SLC24A2: variants seen among roughly 807,000 people sequenced by gnomAD.
SLC24A2 encodes the protein solute carrier family 24 member 2.
Under a neutral mutation model 62.0 loss-of-function variants are expected in SLC24A2, and 36 were observed. The observed-to-expected ratio is 0.58, with a 90% CI of 0.44 to 0.77. The LOEUF is 0.77. Ranked by LOEUF, SLC24A2 falls within the 30% of genes least tolerant of loss-of-function variation. The probability of loss-of-function intolerance (pLI) is 0.00; values close to 1 mark genes in which losing one functional copy is unlikely to be tolerated. For missense variants in SLC24A2, 846 were observed against 817.9 expected, an observed-to-expected ratio of 1.03 and a Z score of -0.42; for synonymous variants, 358 against 294.0, an observed-to-expected ratio of 1.22 and a Z score of -2.23.
chr9:20,215,889 T>A, the SLC24A2 span, among the ~76,000 whole-genome samples: 1 of 152,160 alleles, frequency 6.6e-6, no homozygotes, highest in South Asian at 2.1e-4. Flanking sequence ...AGAGAAAGCA[T>A]GCAAGCGTCT....
intron 2 of SLC24A2, among the ~76,000 whole-genome samples, chr9:19,740,389 T>C (rs1487120917): frequency 6.6e-6 from 1 of 152,168 alleles, no homozygotes; most frequent in Non-Finnish European, 1.5e-5. Flanking sequence ...TGAAATACTA[T>C]AGAGCAATAA....
chr9:20,019,560 A>G, the SLC24A2 span, among the ~76,000 whole-genome samples: 2 of 152,214 alleles, frequency 1.3e-5, no homozygotes, highest in Non-Finnish European at 2.9e-5. Context: ...GGTACCATAC[A>G]AAAACTAACT....
Position 19,695,591 on chromosome 9 carries a change from G to C in SLC24A2, c.931-73292C>G, listed in dbSNP as rs887667400. ...AACCCACGTGAAACCCAGCAATTCT[G>C]CTTGTAGGGATTTGTCTCAGAGAAA... On this transcript the variant is annotated intron_variant, in intron 2 of 10. Transcript: ENST00000341998. Among the ~76,000 whole-genome samples, 4 of 145,572 alleles carry C rather than the reference G, an allele frequency of 2.7e-5. No individual in the cohort carries two copies. The Admixed American group carries it at 2.8e-4, about 10-fold the overall frequency.
At chr9:19,796,703 G>C in the SLC24A2 span, among the ~76,000 whole-genome samples, 1 of 152,096 alleles carries the variant, frequency 6.6e-6, no homozygotes, top group African/African-American at 2.4e-5. Flanking sequence ...CACTGTATTT[G>C]ACATTTCATT....
At chr9:19,649,582 G>A (rs924612372) in intron 2 of SLC24A2, among the ~76,000 whole-genome samples, 18 of 152,100 alleles carry the variant, frequency 1.2e-4, no homozygotes, top group African/African-American at 4.3e-4. Context: ...ACTGACATTT[G>A]GAGAGAGTAC....
rs1042113293 is a variant in SLC24A2 at position 19,632,394 on chromosome 9, T to G, written c.931-10095A>C. ...TAATGAGCATCTTATATGTGCTACA[T>G]TTTTCTAGGTGCAGGGATAAAACAG... On this transcript the variant is annotated intron_variant, in intron 2 of 10. Transcript: ENST00000341998. The surrounding 1 kb of genome is among the most constrained non-coding windows in gnomAD (Gnocchi z 4.5). 1.3e-5 allele frequency among the ~76,000 whole-genome samples: 2 copies of G among 152,238 alleles called. No individual in the cohort carries two copies. The highest frequency in any genetic ancestry group is 2.9e-5 in the Non-Finnish European group (2 of 68,046).
the SLC24A2 span, among the ~76,000 whole-genome samples, chr9:20,196,106 T>C: frequency 1.3e-5 from 2 of 152,176 alleles, no homozygotes; most frequent in African/African-American, 4.8e-5. Context: ...CTTATGATAG[T>C]GTGAAAAAGA....
chr9:20,237,020 C>T, the SLC24A2 span, among the ~76,000 whole-genome samples: 2 of 151,996 alleles, frequency 1.3e-5, no homozygotes, highest in African/African-American at 4.8e-5. Flanking sequence ...GTGTGTCTCA[C>T]ACTGTCAGGC....
chr9:19,645,527 G>T (rs1288110279), intron 2 of SLC24A2, among the ~76,000 whole-genome samples: 1 of 152,134 alleles, frequency 6.6e-6, no homozygotes, highest in Admixed American at 6.5e-5. Context: ...AAAAAAATGT[G>T]TTTTAAAAAC....
the SLC24A2 span, chr9:19,967,113 G>A: frequency 5.9e-5 from 9 of 152,102 alleles, no homozygotes; most frequent in African/African-American, 2.2e-4. Context: ...ATGTATACAA[G>A]GCAGAATGGA....
chr9:20,278,099 G>A, the SLC24A2 span, among the ~76,000 whole-genome samples: 1 of 151,768 alleles, frequency 6.6e-6, no homozygotes. Flanking sequence ...GGTTGGGGGA[G>A]GGGGAGGGAT....
the SLC24A2 span, among the ~76,000 whole-genome samples, chr9:19,806,216 G>GTAAA: frequency 4.6e-5 from 7 of 152,256 alleles, no homozygotes; most frequent in African/African-American, 1.7e-4. Context: ...TGAAGACTGG[G>GTAAA]TAAACAGTGG....
the SLC24A2 span, among the ~76,000 whole-genome samples, chr9:19,843,787 G>C: frequency 6.6e-6 from 1 of 152,080 alleles, no homozygotes; most frequent in Non-Finnish European, 1.5e-5. Flanking sequence ...TTGGTATTCT[G>C]TTCCTGTATT....
Position 19,525,391 on chromosome 9 carries a change from C to CTTTTTTTTTTTTTTTTTTTTTT in SLC24A2, c.1569+2636_1569+2657dup, listed in dbSNP as rs572919824. Among the ~76,000 whole-genome samples the CTTTTTTTTTTTTTTTTTTTTTT allele has an allele frequency of 3.9e-5, 3 of 76,374 alleles. 1 individual carries two copies. The allele number at this position is 76,374 out of a possible 152,430, so 50.1% of individuals were successfully genotyped here. A position where few individuals can be genotyped will look rare whatever the true frequency, so the allele number is the denominator to read the frequency against. ...AAGGTTTTTTTTTCCTATTTCTTTA[C>CTTTTTTTTTTTTTTTTTTTTTT]TTTTTTTTTTTTTTTTTTTTTTTTT... On this transcript the variant is annotated intron_variant, in intron 9 of 10. Coordinates refer to ENST00000341998, the MANE Select transcript of SLC24A2 (RefSeq NM_020344.4).
intron 2 of SLC24A2, among the ~76,000 whole-genome samples, chr9:19,707,831 T>C (rs551944744): frequency 1.4e-4 from 22 of 152,278 alleles, no homozygotes; most frequent in African/African-American, 5.1e-4. Flanking sequence ...AGCATTCCCT[T>C]TGAAAGCTGG....
the SLC24A2 span, among the ~76,000 whole-genome samples, chr9:20,098,630 C>G: frequency 6.6e-6 from 1 of 152,208 alleles, no homozygotes; most frequent in South Asian, 2.1e-4. Context: ...CTGGCCACTT[C>G]CCCTTTGTCC....
At chr9:19,694,701 G>T (rs970241888) in intron 2 of SLC24A2, among the ~76,000 whole-genome samples, 2 of 152,078 alleles carry the variant, frequency 1.3e-5, no homozygotes, top group African/African-American at 4.8e-5. Context: ...AAACTTCATG[G>T]CAATATTAGT....
At chr9:20,206,109 A>G in the SLC24A2 span, among the ~76,000 whole-genome samples, 1 of 152,266 alleles carries the variant, frequency 6.6e-6, no homozygotes, top group South Asian at 2.1e-4. Flanking sequence ...GTGACAGAGT[A>G]TAAAAAGTTT....
In SLC24A2 at chr9:19,576,907, T is replaced by C. The variant is rs1376662496; in HGVS notation, c.1228+17A>G. 1.3e-6 allele frequency: 2 copies of C among 1,587,502 alleles called. No individual in the cohort carries two copies. Among genetic ancestry groups the C allele is most frequent in the African/African-American group, 2.7e-5 (2 of 74,516 alleles). On this transcript the variant is annotated intron_variant, in intron 6 of 10. Transcript: ENST00000341998. ...TCCCCCAGGAAAGGTATGGGGTGGATGTTTCCCTGCACTCACCCACGTGGT... is the reference window on the plus strand; with the variant it reads ...TCCCCCAGGAAAGGTATGGGGTGGACGTTTCCCTGCACTCACCCACGTGGT...
Sources: gnomAD v4.1 joint callset for allele counts (sites outside exome capture counted in the v4.1 genomes callset) on GRCh38, gnomAD v4.1.1 for gene constraint, Gnocchi (gnomAD v3.1) non-coding constraint, MANE v1.5 for transcripts, NCBI Gene and HGNC (gene_info 2026-07-23, HGNC 2026-07-21) for gene names.